Variants in RIT2 observed in about 807,000 individuals in gnomAD.
RIT2 encodes GTP-binding protein Rit2.
In RIT2, 24 loss-of-function variants were observed where a neutral mutation model predicts 23.7. The observed-to-expected ratio is 1.01, with a 90% CI of 0.73 to 1.43. The LOEUF (loss-of-function observed/expected upper bound fraction) is 1.43, where lower values mean the gene tolerates loss of function less well. Among genes scored for constraint, RIT2 ranks in the 40% most tolerant of loss-of-function variants. The probability of loss-of-function intolerance (pLI) is 0.00; values close to 1 mark genes in which losing one functional copy is unlikely to be tolerated. For synonymous variants in RIT2, 107 were observed against 91.1 expected, an observed-to-expected ratio of 1.17 and a Z score of -0.99; for missense variants, 236 against 266.9, an observed-to-expected ratio of 0.88 and a Z score of 0.81.
chr18:42,992,333 A>G (rs1474916455), intron 2 of RIT2, among the ~76,000 whole-genome samples: 3 of 152,114 alleles, frequency 2.0e-5, no homozygotes, highest in Non-Finnish European at 4.4e-5. Context: ...AGAAGATCTA[A>G]ATAATTCTTG....
At chr18:42,998,605 C>A (rs1911038487) in intron 2 of RIT2, among the ~76,000 whole-genome samples, 1 of 151,916 alleles carries the variant, frequency 6.6e-6, no homozygotes, top group South Asian at 2.1e-4. Context: ...AGGTACAAAT[C>A]ACTGAACTAA....
intron 4 of RIT2, among the ~76,000 whole-genome samples, chr18:42,857,181 C>G (rs1907209868): frequency 6.6e-6 from 1 of 152,088 alleles, no homozygotes; most frequent in African/African-American, 2.4e-5. Flanking sequence ...CAGGAGAGGC[C>G]AGGGATATTG....
At chr18:42,931,995 C>A (rs1909337565) in intron 3 of RIT2, among the ~76,000 whole-genome samples, 1 of 152,144 alleles carries the variant, frequency 6.6e-6, no homozygotes, top group Admixed American at 6.6e-5. Context: ...ATTCATATTT[C>A]TAAATACTGA....
chr18:43,107,236 A>G (rs1598787689), intron 1 of RIT2, among the ~76,000 whole-genome samples: 1 of 152,100 alleles, frequency 6.6e-6, no homozygotes, highest in Admixed American at 6.5e-5. Context: ...CAGCTGAACA[A>G]TGTATGGTAG....
chr18:42,778,481 T>C (rs1386001868), intron 4 of RIT2, among the ~76,000 whole-genome samples: 1 of 152,162 alleles, frequency 6.6e-6, no homozygotes, highest in East Asian at 1.9e-4. Flanking sequence ...CCATATAAAA[T>C]TGAAAATTAA....
intron 3 of RIT2, among the ~76,000 whole-genome samples, chr18:42,953,330 TA>T (rs1346015395): frequency 6.6e-6 from 1 of 152,180 alleles, no homozygotes; most frequent in Non-Finnish European, 1.5e-5. Context: ...TGACTTATTT[TA>T]AAGAAATACC....
chr18:42,795,655 C>T (rs1905327589), intron 4 of RIT2, among the ~76,000 whole-genome samples: 1 of 152,254 alleles, frequency 6.6e-6, no homozygotes. Flanking sequence ...ACCTGCAGCC[C>T]GGGTGCGGGA....
At position 42,743,359 on chromosome 18, in the gene RIT2, G is replaced by A. The variant is rs1056137158; in HGVS notation, c.*134C>T. 1 of 675,434 alleles carries A rather than the reference G, an allele frequency of 1.5e-6. No homozygotes were observed. Among genetic ancestry groups the A allele is most frequent in the African/African-American group, 1.8e-5 (1 of 55,126 alleles). The allele number at this position is 675,434 out of a possible 1,614,324, so 41.8% of individuals were successfully genotyped here. On this transcript the variant is annotated 3_prime_UTR_variant, in exon 5 of 5. Transcript: ENST00000326695. ...ATCTCAAGAGGTACAGATATGCAGA[G>A]CTTGCTTTTACCTACAGGCAGATAT...
intron 4 of RIT2, among the ~76,000 whole-genome samples, chr18:42,809,996 CAT>C (rs887217266): frequency 4.3e-5 from 6 of 140,760 alleles, no homozygotes; most frequent in African/African-American, 1.1e-4. Context: ...TTATATATAA[CAT>C]ATATGTATAA....
intron 1 of RIT2, among the ~76,000 whole-genome samples, chr18:43,092,244 C>G (rs1352614164): frequency 6.6e-6 from 1 of 152,080 alleles, no homozygotes; most frequent in East Asian, 1.9e-4. Flanking sequence ...AGAGCTCTGA[C>G]TCTGTAATCT....
At chr18:42,768,124 A>G (rs1471980715) in intron 4 of RIT2, among the ~76,000 whole-genome samples, 1 of 152,140 alleles carries the variant, frequency 6.6e-6, no homozygotes, top group Non-Finnish European at 1.5e-5. Context: ...AATAAGATGC[A>G]GTGATTTTTT....
chr18:43,107,434 C>T (rs1282671495), intron 1 of RIT2, among the ~76,000 whole-genome samples: 2 of 152,148 alleles, frequency 1.3e-5, no homozygotes, highest in South Asian at 2.1e-4. Flanking sequence ...CGTGCGTGCA[C>T]GCATACACAC....
At chr18:42,981,022 T>C (rs77343589) in intron 2 of RIT2, among the ~76,000 whole-genome samples, 70 of 152,212 alleles carry the variant, frequency 4.6e-4, no homozygotes, top group African/African-American at 1.6e-3. Context: ...GAAGGATCCA[T>C]TGGAAACCTA....
At chr18:42,950,453 T>C (rs536890178) in intron 3 of RIT2, among the ~76,000 whole-genome samples, 16 of 152,084 alleles carry the variant, frequency 1.1e-4, no homozygotes, top group African/African-American at 3.4e-4. Flanking sequence ...CAAGAAAACC[T>C]AGGAAACACC....
chr18:42,759,266 C>T (rs2143896835), intron 4 of RIT2, among the ~76,000 whole-genome samples: 1 of 152,200 alleles, frequency 6.6e-6, no homozygotes, highest in East Asian at 1.9e-4. Flanking sequence ...CTGCACATTC[C>T]TCCATAAAAT....
At chr18:42,925,117 A>G (rs147643013) in intron 3 of RIT2, among the ~76,000 whole-genome samples, 3 of 152,082 alleles carry the variant, frequency 2.0e-5, no homozygotes, top group African/African-American at 7.2e-5. Context: ...CCTGACTCAC[A>G]CTGTATCATA....
chr18:42,964,884 T>C (rs1910178540), intron 3 of RIT2, among the ~76,000 whole-genome samples: 1 of 152,236 alleles, frequency 6.6e-6, no homozygotes, highest in African/African-American at 2.4e-5. Flanking sequence ...GTTGTGCGTA[T>C]AAATATACTT....
At chr18:42,960,960 A>T (rs1213327315) in intron 3 of RIT2, among the ~76,000 whole-genome samples, 5 of 152,006 alleles carry the variant, frequency 3.3e-5, no homozygotes, top group South Asian at 2.1e-4. Context: ...TTAATGGTTA[A>T]TTTTTTTGTT....
chr18:42,858,797 AATC>A (rs1299430688), intron 4 of RIT2, among the ~76,000 whole-genome samples: 1 of 152,190 alleles, frequency 6.6e-6, no homozygotes, highest in East Asian at 1.9e-4. Context: ...ATATAACTGG[AATC>A]ATAATATGTG....
Sources: allele counts gnomAD v4.1 joint callset (sites outside exome capture counted in the v4.1 genomes callset), GRCh38; gene constraint gnomAD v4.1.1; transcripts MANE v1.5; gene names NCBI Gene and HGNC (gene_info 2026-07-23, HGNC 2026-07-21).